The following FNDC7 variants were observed in gnomAD, a reference collection of about 807,000 sequenced individuals.
FNDC7 encodes the protein fibronectin type III domain-containing protein 7.
Under a neutral mutation model 74.2 loss-of-function variants are expected in FNDC7, and 66 were observed. The observed-to-expected ratio is 0.89, with a 90% confidence interval of 0.73 to 1.09. The LOEUF is 1.09. FNDC7 is among the 50% of genes least tolerant of loss of function. The pLI is 0.00. For synonymous variants in FNDC7, 307 were observed against 330.2 expected, an observed-to-expected ratio of 0.93 and a Z score of 0.76; for missense variants, 829 against 893.4, an observed-to-expected ratio of 0.93 and a Z score of 0.92.
chr1:108,733,129 A>G (rs555249208), intron 9 of FNDC7, 143 bp from the exon 10 acceptor site: 35 of 1,047,136 alleles, frequency 3.3e-5, no homozygotes, highest in Admixed American at 1.4e-4. Flanking sequence ...GTACCCCTTC[A>G]AATCTTGCTC....
At chr1:108,714,996 T>C (rs1570722129) in intron 2 of FNDC7, among the ~76,000 whole-genome samples, 1 of 152,200 alleles carries the variant, frequency 6.6e-6, no homozygotes. Context: ...AACAGGCCCC[T>C]TTTTGGTGTT....
chr1:108,733,966 T>C (rs1661454465), intron 10 of FNDC7, among the ~76,000 whole-genome samples: 1 of 152,168 alleles, frequency 6.6e-6, no homozygotes, highest in South Asian at 2.1e-4. Context: ...ATAAAATTTC[T>C]ACACAGCACA....
At chr1:108,720,803 C>T (rs1194294436) in intron 4 of FNDC7, among the ~76,000 whole-genome samples, 3 of 152,126 alleles carry the variant, frequency 2.0e-5, no homozygotes, top group Non-Finnish European at 4.4e-5. Context: ...TGGATGAGGG[C>T]CCACCCTAAT....
chr1:108,718,867 C>T lies in FNDC7; in HGVS notation c.416C>T (p.Ala139Val). The T allele has an allele frequency of 6.4e-7, 1 of 1,551,680 alleles. No homozygotes were observed. The highest frequency in any genetic ancestry group is 8.7e-7 in the Non-Finnish European group (1 of 1,147,006). Residue 139 changes from alanine to valine, a missense_variant, in exon 4 of 13, where the codon GCA becomes GTA. Coordinates refer to ENST00000370017, the MANE Select transcript of FNDC7 (RefSeq NM_001144937.3). ...GTGCAGTGGGAAGCTGTATATATGG[C>T]AATTGCATTCTCCGTGTCCATTATG... ...ILVQWEAVYM[A>V]IAFSVSIMRA...
intron 5 of FNDC7, among the ~76,000 whole-genome samples, chr1:108,724,392 G>A (rs1382284903): frequency 6.6e-6 from 1 of 151,922 alleles, no homozygotes; most frequent in Non-Finnish European, 1.5e-5. Flanking sequence ...TGCTTAAGAT[G>A]CTCCCTGGAG....
intron 6 of FNDC7, 61 bp from the exon 7 acceptor site, chr1:108,727,747 T>A: frequency 6.3e-7 from 1 of 1,586,524 alleles, no homozygotes; most frequent in Non-Finnish European, 8.6e-7. Flanking sequence ...CAGGACACAG[T>A]GTACCCCCAG....
At position 108,716,320 on chromosome 1, in the gene FNDC7, G is replaced by GGTGTGTGTGTGT. The variant is rs141850435; in HGVS notation, c.83-1412_83-1401dup. 3.9e-3 allele frequency among the ~76,000 whole-genome samples: 377 copies of GGTGTGTGTGTGT among 95,724 alleles called. 6 individuals are homozygous for GGTGTGTGTGTGT. The highest frequency in any genetic ancestry group is 6.0e-3 in the African/African-American group (158 of 26,184). The allele number at this position is 95,724 out of a possible 152,430, so 62.8% of individuals were successfully genotyped here. A position where few individuals can be genotyped will look rare whatever the true frequency, so the allele number is the denominator to read the frequency against. ...TCATTAGCTTGGGGAGCAGAAGAGA[G>GGTGTGTGTGTGT]GTGTGTGTGTGTGTGTGTGTGTGTG... On this transcript the variant is annotated intron_variant, in intron 2 of 12. Transcript: ENST00000370017.
intron 6 of FNDC7, among the ~76,000 whole-genome samples, chr1:108,726,635 C>T (rs1283042863): frequency 6.6e-6 from 1 of 151,690 alleles, no homozygotes; most frequent in African/African-American, 2.4e-5. Context: ...AGGCTTGCAT[C>T]TTGTACAAGG....
chr1:108,735,261 G>A (rs1570735536), intron 10 of FNDC7, among the ~76,000 whole-genome samples: 1 of 152,214 alleles, frequency 6.6e-6, no homozygotes, highest in East Asian at 1.9e-4. Flanking sequence ...CTATGCCTCA[G>A]GCCCTCACCA....
intron 10 of FNDC7, among the ~76,000 whole-genome samples, chr1:108,736,340 A>C (rs1190404884): frequency 6.6e-6 from 1 of 151,814 alleles, no homozygotes; most frequent in African/African-American, 2.4e-5. Context: ...GCCTTCTCCA[A>C]TTATCATAAG....
rs771769047 is a variant in FNDC7 at position 108,728,938 on chromosome 1, G to A, written c.1624+52G>A. 7 of 1,591,006 alleles carry A rather than the reference G, an allele frequency of 4.4e-6. No individual in the cohort carries two copies. In the African/African-American group the frequency reaches 9.4e-5, roughly 21 times the overall value. ...TTGACTTCAGTGGGGTCCTTATGGA[G>A]TGTTTCAAGACATGAACTTCCTTAT... On this transcript the variant is annotated intron_variant, in intron 8 of 12. Coordinates refer to ENST00000370017, the MANE Select transcript of FNDC7 (RefSeq NM_001144937.3).
Position 108,717,846 on chromosome 1 carries a change from C to G in FNDC7, c.152C>G (p.Thr51Arg), listed in dbSNP as rs1167411022. The G allele has an allele frequency of 6.4e-7, 1 of 1,551,752 alleles. No homozygotes were observed. Among genetic ancestry groups the G allele is most frequent in the Admixed American group, 2.0e-5 (1 of 51,008 alleles). Residue 51 changes from threonine (T) to arginine (R), a missense_variant, in exon 3 of 13, where the codon ACA becomes AGA. Transcript: ENST00000370017. ...LSNSITVEWA[T>R]VPGATSYLLT... ...AACAGTATCACTGTAGAATGGGCTACAGTGCCGGGTGCCACCAGTTACCTC... is the reference window on the plus strand; with the variant it reads ...AACAGTATCACTGTAGAATGGGCTAGAGTGCCGGGTGCCACCAGTTACCTC...
chr1:108,713,010 T>G lies in FNDC7; in HGVS notation c.63+14T>G. 1 of 1,549,146 alleles carries G rather than the reference T, an allele frequency of 6.5e-7. No individual in the cohort carries two copies. Among genetic ancestry groups the G allele is most frequent in the Non-Finnish European group, 8.7e-7 (1 of 1,144,992 alleles). The stretch of plus-strand genomic sequence containing the variant: ...TGTCTTAAAATGGTGAGTTCATCAT[T>G]CCAACTACCCACAACTATTTAGGGG... On this transcript the variant is annotated intron_variant, in intron 1 of 12. Coordinates refer to ENST00000370017, the MANE Select transcript of FNDC7 (RefSeq NM_001144937.3).
At chr1:108,737,402 A>G (rs1303138593) in intron 10 of FNDC7, 93 bp from the exon 11 acceptor site, 3 of 1,214,456 alleles carry the variant, frequency 2.5e-6, no homozygotes, top group Non-Finnish European at 3.5e-6. Flanking sequence ...TTTTTGGTTT[A>G]CTTTCCTTTT....
chr1:108,723,303 A>G (rs1661137277), intron 5 of FNDC7, among the ~76,000 whole-genome samples: 2 of 152,202 alleles, frequency 1.3e-5, no homozygotes, highest in African/African-American at 4.8e-5. Flanking sequence ...CACACCGATA[A>G]TAAGTGGTAG....
intron 4 of FNDC7, among the ~76,000 whole-genome samples, chr1:108,721,503 T>C (rs4970807): frequency 0.91 from 139,081 of 152,188 alleles, 64,805 homozygotes; most frequent in Non-Finnish European, 1. Context: ...TCCCTGTTTG[T>C]CCCAGACATG....
intron 5 of FNDC7, among the ~76,000 whole-genome samples, chr1:108,725,096 TAAAATAA>T (rs1441896836): frequency 1.3e-5 from 2 of 151,696 alleles, no homozygotes; most frequent in Non-Finnish European, 2.9e-5. Flanking sequence ...AAATAATAAA[TAAAATAA>T]AAAATAAATT....
intron 9 of FNDC7, among the ~76,000 whole-genome samples, chr1:108,732,762 CTTTCTTTCTT>C (rs958378638): frequency 6.6e-5 from 10 of 150,404 alleles, no homozygotes; most frequent in African/African-American, 2.2e-4. Flanking sequence ...TTCTGTCTGT[CTTTCTTTCTT>C]TTTCTTTCTT....
At chr1:108,722,129 GT>G (rs1310621218) in intron 4 of FNDC7, among the ~76,000 whole-genome samples, 1 of 152,082 alleles carries the variant, frequency 6.6e-6, no homozygotes, top group Non-Finnish European at 1.5e-5. Context: ...TGGGGTCAAG[GT>G]CACACAGTAT....
Sources: gnomAD v4.1 joint callset for allele counts (sites outside exome capture counted in the v4.1 genomes callset) on GRCh38, gnomAD v4.1.1 for gene constraint, MANE v1.5 for transcripts, NCBI Gene and HGNC (gene_info 2026-07-23, HGNC 2026-07-21) for gene names.